Variants in NCKAP5 observed in about 807,000 individuals in gnomAD.
NCKAP5 encodes nck-associated protein 5.
Under a neutral mutation model 167.0 loss-of-function variants are expected in NCKAP5, and 92 were observed. That is an observed-to-expected ratio of 0.55 (90% CI 0.47 to 0.66). NCKAP5 has a LOEUF of 0.66. NCKAP5 is among the 30% of genes least tolerant of loss of function. NCKAP5 has a pLI of 0.00. For missense variants in NCKAP5, 2,378 were observed against 2,315.0 expected, an observed-to-expected ratio of 1.03 and a Z score of -0.56; for synonymous variants, 891 against 877.4, an observed-to-expected ratio of 1.02 and a Z score of -0.27.
At chr2:133,459,995 G>C (rs1490986522) in intron 3 of NCKAP5, among the ~76,000 whole-genome samples, 1 of 152,162 alleles carries the variant, frequency 6.6e-6, no homozygotes, top group African/African-American at 2.4e-5. Flanking sequence ...AAAGAGGAAA[G>C]ATAAAACTCG....
chr2:133,600,585 T>G, the NCKAP5 span, among the ~76,000 whole-genome samples: 1 of 152,218 alleles, frequency 6.6e-6, no homozygotes, highest in East Asian at 1.9e-4. Flanking sequence ...GAAAATGAAG[T>G]TCCATTATAA....
At chr2:133,178,195 C>A (rs113614739) in intron 5 of NCKAP5, among the ~76,000 whole-genome samples, 9,239 of 152,124 alleles carry the variant, frequency 0.061, 319 homozygotes, top group African/African-American at 0.089. Context: ...CAGGCAGAGC[C>A]GAAGGTTTAA....
chr2:133,557,982 A>C (rs748750184), intron 2 of NCKAP5: 3 of 152,224 alleles, frequency 2.0e-5, no homozygotes, highest in Non-Finnish European at 2.9e-5. Context: ...ACAGCACTGG[A>C]AACGGCCTTG....
chr2:133,588,824 A>G, the NCKAP5 span, among the ~76,000 whole-genome samples: 1 of 152,158 alleles, frequency 6.6e-6, no homozygotes, highest in Non-Finnish European at 1.5e-5. Flanking sequence ...GAAGCAAACC[A>G]TGAGACTATT....
upstream of NCKAP5, among the ~76,000 whole-genome samples, chr2:133,572,858 T>C (rs1054234331): frequency 1.3e-5 from 2 of 152,172 alleles, no homozygotes; most frequent in Non-Finnish European, 2.9e-5. Flanking sequence ...CCCATGTCAT[T>C]CTCACACATA....
intron 16 of NCKAP5, among the ~76,000 whole-genome samples, chr2:132,749,600 C>A (rs1431800103): frequency 1.3e-5 from 2 of 152,186 alleles, no homozygotes; most frequent in African/African-American, 4.8e-5. Flanking sequence ...TATCCCCAGG[C>A]CCTTTGGCTC....
intron 6 of NCKAP5, among the ~76,000 whole-genome samples, chr2:133,061,975 T>C (rs1179156680): frequency 6.6e-6 from 1 of 152,194 alleles, no homozygotes; most frequent in African/African-American, 2.4e-5. Context: ...AAAAAATGTA[T>C]CTTAAGTCAT....
At position 132,998,621 on chromosome 2, in the gene NCKAP5, T is replaced by G. The variant is rs557323110; in HGVS notation, c.342-4382A>C. On this transcript the variant is annotated intron_variant, in intron 6 of 19. Coordinates refer to ENST00000409261, the MANE Select transcript of NCKAP5 (RefSeq NM_207363.3). ...GACATCTTTTTTTAAAAATTCTTAT[T>G]TAACAAACTTCTCTATTTTCCCAAA... Among the ~76,000 whole-genome samples the G allele has an allele frequency of 7.9e-5, 12 of 152,298 alleles. No individual in the cohort carries two copies. The East Asian group carries it at 1.9e-3, about 24-fold the overall frequency.
At chr2:133,613,149 T>A in the NCKAP5 span, among the ~76,000 whole-genome samples, 95,789 of 151,972 alleles carry the variant, frequency 0.63, 31,325 homozygotes, top group Middle Eastern at 0.78. Flanking sequence ...AAAAAGTTAT[T>A]GAATGGTAAA....
intron 4 of NCKAP5, among the ~76,000 whole-genome samples, chr2:133,257,943 T>C (rs2088706396): frequency 6.6e-6 from 1 of 152,126 alleles, no homozygotes; most frequent in African/African-American, 2.4e-5. Flanking sequence ...CTGTAGGGTG[T>C]AGAGTCTCTT....
intron 19 of NCKAP5, among the ~76,000 whole-genome samples, chr2:132,677,109 G>A (rs975643998): frequency 1.3e-5 from 2 of 152,004 alleles, no homozygotes; most frequent in African/African-American, 2.4e-5. Flanking sequence ...ATAAAACATC[G>A]CCAATTCCTT....
chr2:133,001,766 G>A (rs1026405699), intron 6 of NCKAP5, among the ~76,000 whole-genome samples: 2 of 151,992 alleles, frequency 1.3e-5, no homozygotes, highest in African/African-American at 4.8e-5. Context: ...ATGGGTTCTC[G>A]TTACTTGCAA....
intron 8 of NCKAP5, among the ~76,000 whole-genome samples, chr2:132,889,633 C>T (rs1168721567): frequency 1.3e-5 from 2 of 152,008 alleles, no homozygotes; most frequent in Admixed American, 1.3e-4. Flanking sequence ...AAAACAATGA[C>T]AAAGGTGCAC....
chr2:133,532,521 T>C lies in NCKAP5; in HGVS notation c.-61-14934A>G, dbSNP rs1037735156. Among the ~76,000 whole-genome samples the C allele has an allele frequency of 2.6e-5, 4 of 152,216 alleles. No individual in the cohort carries two copies. The South Asian group carries it at 6.2e-4, about 24-fold the overall frequency. On this transcript the variant is annotated intron_variant, in intron 2 of 19. Transcript: ENST00000409261. ...AATAAATGCTCGGTTATTTGGGTAGTTGGATCAGATGGGCTCTGGCAGTGC... is the reference window on the plus strand; with the variant it reads ...AATAAATGCTCGGTTATTTGGGTAGCTGGATCAGATGGGCTCTGGCAGTGC...
intron 5 of NCKAP5, among the ~76,000 whole-genome samples, chr2:133,136,577 T>A (rs995161719): frequency 6.6e-6 from 1 of 152,186 alleles, no homozygotes; most frequent in Non-Finnish European, 1.5e-5. Flanking sequence ...ATATGTCTGT[T>A]TCAAAAGATT....
At chr2:132,756,037 A>C (rs1469370490) in intron 16 of NCKAP5, among the ~76,000 whole-genome samples, 11 of 152,080 alleles carry the variant, frequency 7.2e-5, no homozygotes, top group Non-Finnish European at 1.5e-5. Context: ...ATTGGGGCTC[A>C]AAGAGGTTCA....
At position 132,790,005 on chromosome 2, in the gene NCKAP5, G is replaced by A. The variant is rs140706834; in HGVS notation, c.1092+18C>T. 8.1e-5 allele frequency: 129 copies of A among 1,592,414 alleles called. No individual in the cohort carries two copies. The East Asian group carries it at 9.9e-4, about 12-fold the overall frequency. On this transcript the variant is annotated intron_variant, in intron 13 of 19. Transcript: ENST00000409261. The stretch of plus-strand genomic sequence containing the variant: ...AGAGGATTCTTTTCTGGTTCATTCC[G>A]ATGCCACAGTGCCTTACCCTTTTCC...
the NCKAP5 span, among the ~76,000 whole-genome samples, chr2:133,609,138 T>C: frequency 6.6e-6 from 1 of 152,210 alleles, no homozygotes; most frequent in African/African-American, 2.4e-5. Context: ...ATTCTATAAC[T>C]TCATTGTCCC....
chr2:133,008,481 C>A (rs1383130635), intron 6 of NCKAP5, among the ~76,000 whole-genome samples: 1 of 152,150 alleles, frequency 6.6e-6, no homozygotes, highest in Non-Finnish European at 1.5e-5. Flanking sequence ...TATCTATAAA[C>A]ATGGAAAAGC....
Sources: allele counts gnomAD v4.1 joint callset (sites outside exome capture counted in the v4.1 genomes callset), GRCh38; gene constraint gnomAD v4.1.1; transcripts MANE v1.5; gene names NCBI Gene and HGNC (gene_info 2026-07-23, HGNC 2026-07-21).